Variants in DDX50 observed in about 807,000 individuals in gnomAD.
DDX50 encodes DExD-box helicase 50.
In DDX50, 56 loss-of-function variants were observed where a neutral mutation model predicts 94.8. That is an observed-to-expected ratio of 0.59 (90% CI 0.48 to 0.74). The LOEUF is 0.74. DDX50 is among the 30% of genes least tolerant of loss of function. The pLI is 0.00. For missense variants in DDX50, 713 were observed against 881.2 expected, an observed-to-expected ratio of 0.81 and a Z score of 2.42; for synonymous variants, 264 against 295.4, an observed-to-expected ratio of 0.89 and a Z score of 1.09.
chr10:68,922,370 C>G (rs1020832361), intron 8 of DDX50, among the ~76,000 whole-genome samples: 1 of 152,058 alleles, frequency 6.6e-6, no homozygotes, highest in Non-Finnish European at 1.5e-5. Flanking sequence ...TTTATTCAGT[C>G]TTTTACTCTT....
intron 8 of DDX50, among the ~76,000 whole-genome samples, chr10:68,924,294 A>G (rs1020477709): frequency 6.6e-5 from 10 of 151,850 alleles, no homozygotes; most frequent in African/African-American, 2.4e-4. Context: ...TTTAAGAGAC[A>G]GGGTCCCACC....
In DDX50 at chr10:68,901,338, A is replaced by C. The variant is rs1306220193; in HGVS notation, c.-47A>C. 1 of 1,477,978 alleles carries C rather than the reference A, an allele frequency of 6.8e-7. No individual in the cohort carries two copies. The highest frequency in any genetic ancestry group is 9.1e-7 in the Non-Finnish European group (1 of 1,102,226). The allele number at this position is 1,477,978 out of a possible 1,614,324, so 91.6% of individuals were successfully genotyped here. Reference sequence around the variant, plus strand: ...TTCCTTTCACGCTGTCGCTGCCCGTAGGTGGTTGTGGCCACTGTGCCCGGA... The same window carrying C: ...TTCCTTTCACGCTGTCGCTGCCCGTCGGTGGTTGTGGCCACTGTGCCCGGA... On this transcript the variant is annotated 5_prime_UTR_variant, in exon 1 of 15. Coordinates refer to ENST00000373585, the MANE Select transcript of DDX50 (RefSeq NM_024045.2).
intron 8 of DDX50, among the ~76,000 whole-genome samples, chr10:68,933,967 C>T (rs1842337936): frequency 6.6e-6 from 1 of 150,478 alleles, no homozygotes; most frequent in African/African-American, 2.4e-5. Flanking sequence ...GAATATTTAC[C>T]AAACTCTTAG....
chr10:68,934,235 C>T lies in DDX50; in HGVS notation c.1276C>T (p.Gln426Ter). 6.2e-7 allele frequency: 1 copy of T among 1,612,118 alleles called. No homozygotes were observed. The highest frequency in any genetic ancestry group is 1.1e-5 in the South Asian group (1 of 90,988). ...TTTACATGGGGACATTGCACAGTCA[C>T]AAAGAGAAATTACACTAAAAGGCTT... ...QCLHGDIAQSQREITLKGFRE... is the reference protein window; with the variant it reads ...QCLHGDIAQS The change falls in exon 9 of 15, where the codon CAA (glutamine) becomes TAA (stop). Residue 426 changes from glutamine (Q) to a stop codon, truncating the protein, a stop_gained. Transcript: ENST00000373585. LOFTEE classifies it high-confidence loss of function. This position sits in a 1 kb window ranked among gnomAD's most constrained non-coding sequence, Gnocchi z 4.0.
intron 11 of DDX50, among the ~76,000 whole-genome samples, chr10:68,936,368 A>T (rs1036226975): frequency 2.0e-5 from 3 of 150,544 alleles, no homozygotes; most frequent in Admixed American, 6.7e-5. Flanking sequence ...GGGCGCCTGT[A>T]GTCCCAGCTA....
chr10:68,931,957 C>G (rs1373748482), intron 8 of DDX50, among the ~76,000 whole-genome samples: 1 of 152,158 alleles, frequency 6.6e-6, no homozygotes, highest in African/African-American at 2.4e-5. Flanking sequence ...TCTGCTCCTT[C>G]TTTTACCTAG....
Position 68,946,803 on chromosome 10 carries a change from G to A in DDX50, c.*173G>A, listed in dbSNP as rs1053747289. On this transcript the variant is annotated 3_prime_UTR_variant, in exon 15 of 15. Transcript: ENST00000373585. ...AGAATGGAACAAATCTACTTATCCA[G>A]TTATACCTTTGAATAAAAAAACCTC... 1.9e-5 allele frequency: 15 copies of A among 778,162 alleles called. No homozygotes were observed. In the African/African-American group the frequency reaches 2.6e-4, roughly 14 times the overall value. The allele number at this position is 778,162 out of a possible 1,614,324, so 48.2% of individuals were successfully genotyped here.
In DDX50 at chr10:68,941,071, C is replaced by T. The variant is rs1214648842; in HGVS notation, c.1767C>T (p.Thr589=). The T allele has an allele frequency of 1.9e-6, 3 of 1,608,146 alleles. No homozygotes were observed. The South Asian group carries it at 3.3e-5, about 18-fold the overall frequency. Residue 589 remains threonine, a synonymous_variant, in exon 13 of 15, where the codon ACC becomes ACT. Coordinates refer to ENST00000373585, the MANE Select transcript of DDX50 (RefSeq NM_024045.2). ...SLITSDKGFV[T]MTLESLEEIQ... is the part of the protein sequence containing the mutation. The stretch of plus-strand genomic sequence containing the variant: ...TTTTATTCCTTAAGGGGTTTGTGAC[C>T]ATGACTCTGGAAAGCCTAGAGGAAA...
Position 68,931,398 on chromosome 10 carries a change from T to A in DDX50, c.1240-2801T>A, listed in dbSNP as rs1400599246. On this transcript the variant is annotated intron_variant, in intron 8 of 14. Transcript: ENST00000373585. Reference sequence around the variant, plus strand: ...ACGGATCATTAAAAAAAAAAATATATATATATATATATGTATATATATATA... The same window carrying A: ...ACGGATCATTAAAAAAAAAAATATAAATATATATATATGTATATATATATA... 5.2e-3 allele frequency among the ~76,000 whole-genome samples: 299 copies of A among 57,456 alleles called. 5 individuals are homozygous for A. Among genetic ancestry groups the A allele is most frequent in the African/African-American group, 0.018 (284 of 15,854 alleles). The allele number at this position is 57,456 out of a possible 152,430, so 37.7% of individuals were successfully genotyped here. A position where few individuals can be genotyped will look rare whatever the true frequency, so the allele number is the denominator to read the frequency against.
chr10:68,914,493 A>G (rs935484411), intron 7 of DDX50, among the ~76,000 whole-genome samples: 3 of 152,226 alleles, frequency 2.0e-5, no homozygotes, highest in African/African-American at 7.2e-5. Flanking sequence ...CTCAAAAACA[A>G]AAACAAAAAA....
At chr10:68,939,805 A>G (rs1419604255) in intron 12 of DDX50, among the ~76,000 whole-genome samples, 1 of 152,110 alleles carries the variant, frequency 6.6e-6, no homozygotes, top group Non-Finnish European at 1.5e-5. Context: ...GCTTATTACT[A>G]TATGATATTC....
At chr10:68,921,954 C>T (rs73268355) in intron 8 of DDX50, among the ~76,000 whole-genome samples, 3,748 of 152,054 alleles carry the variant, frequency 0.025, 55 homozygotes, top group African/African-American at 0.049. Flanking sequence ...TGGTGGTGTT[C>T]TTTGTCAGTT....
chr10:68,939,888 G>A (rs142391205), intron 12 of DDX50, among the ~76,000 whole-genome samples: 226 of 122,880 alleles, frequency 1.8e-3, no homozygotes, highest in African/African-American at 6.8e-3. Context: ...ACATGCACAT[G>A]CACTAGAATT....
chr10:68,909,237 A>G (rs1209646116), intron 2 of DDX50, among the ~76,000 whole-genome samples: 1 of 152,222 alleles, frequency 6.6e-6, no homozygotes, highest in Non-Finnish European at 1.5e-5. Context: ...TCTAATTCCA[A>G]GTTTGAAAAT....
chr10:68,942,824 C>T (rs143061375), intron 13 of DDX50, among the ~76,000 whole-genome samples: 65 of 152,072 alleles, frequency 4.3e-4, no homozygotes, highest in African/African-American at 1.5e-3. Flanking sequence ...CCTATGTTGC[C>T]CAGGCTGGTC....
rs752888119 is a variant in DDX50, at chr10:68,925,094, G to GTTTTTTTTTTTTTTTTTTTTT, written c.1239+5113_1239+5114insTTTTTTTTTTTTTTTTTTTTT. Among the ~76,000 whole-genome samples, 2 of 89,036 alleles carry GTTTTTTTTTTTTTTTTTTTTT rather than the reference G, an allele frequency of 2.2e-5. 1 individual carries two copies. The allele number at this position is 89,036 out of a possible 152,430, so 58.4% of individuals were successfully genotyped here. A position where few individuals can be genotyped will look rare whatever the true frequency, so the allele number is the denominator to read the frequency against. On this transcript the variant is annotated intron_variant, in intron 8 of 14. Transcript: ENST00000373585. ...ACAAGAATTATCCTTCCCTGCTCAT[G>GTTTTTTTTTTTTTTTTTTTTT]GTTTTTTTTTTTTTTTTTTTTTTTT...
At chr10:68,907,157 G>A (rs1401198289) in intron 2 of DDX50, 150 bp downstream of exon 2, 11 of 765,684 alleles carry the variant, frequency 1.4e-5, no homozygotes, top group African/African-American at 1.8e-5. Context: ...GGTGAAGCCT[G>A]AGCCTTTTTT....
chr10:68,910,855 T>C (rs1841606025), intron 3 of DDX50, among the ~76,000 whole-genome samples: 1 of 152,244 alleles, frequency 6.6e-6, no homozygotes, highest in African/African-American at 2.4e-5. Flanking sequence ...CTTTTCAATA[T>C]TCTGCCTTGT....
In DDX50 at chr10:68,934,985, A is replaced by T; in HGVS notation, c.1521+67A>T. 6.6e-7 allele frequency: 1 copy of T among 1,512,766 alleles called. No homozygotes were observed. The highest frequency in any genetic ancestry group is 8.8e-7 in the Non-Finnish European group (1 of 1,130,438). The allele number at this position is 1,512,766 out of a possible 1,614,324, so 93.7% of individuals were successfully genotyped here. On this transcript the variant is annotated intron_variant, in intron 10 of 14. Transcript: ENST00000373585. The surrounding 1 kb of genome is among the most constrained non-coding windows in gnomAD (Gnocchi z 4.0). The stretch of plus-strand genomic sequence containing the variant: ...TGCCTTAAAAGAGAGCTCTTCTTAT[A>T]TTTATTCTTACAAGTAGGTCTTCAT...
Sources: gnomAD v4.1 joint callset for allele counts (sites outside exome capture counted in the v4.1 genomes callset) on GRCh38, gnomAD v4.1.1 for gene constraint, Gnocchi (gnomAD v3.1) non-coding constraint, MANE v1.5 for transcripts, NCBI Gene and HGNC (gene_info 2026-07-23, HGNC 2026-07-21) for gene names.